The following CERK variants were observed in gnomAD, a reference collection of about 807,000 sequenced individuals.
CERK encodes ceramide kinase, also known as acylsphingosine kinase.
A neutral mutation model predicts 63.4 loss-of-function variants in CERK; 39 were observed. The ratio of observed to expected loss-of-function variants is 0.61; its 90% CI spans 0.48 to 0.80. The LOEUF (loss-of-function observed/expected upper bound fraction) is 0.80, where lower values mean the gene tolerates loss of function less well. Among genes scored for constraint, CERK ranks in the 30% least tolerant of loss-of-function variants. The pLI is 0.00. For missense variants in CERK, 670 were observed against 714.1 expected (o/e 0.94, Z 0.70); for synonymous variants, 302 against 280.0 (o/e 1.08, Z -0.78).
In CERK at chr22:46,737,291, CA is replaced by C. The variant is rs34667609; in HGVS notation, c.142+715del. Among the ~76,000 whole-genome samples the C allele has an allele frequency of 1.7e-3, 120 of 69,330 alleles. 1 individual carries two copies. Among genetic ancestry groups the C allele is most frequent in the African/African-American group, 4.0e-3 (96 of 24,132 alleles). The allele number at this position is 69,330 out of a possible 152,430, so 45.5% of individuals were successfully genotyped here. A position where few individuals can be genotyped will look rare whatever the true frequency, so the allele number is the denominator to read the frequency against. ...TGGGCAACAGAGCAACACTCCGACT[CA>C]AAAAAAAAAAAAAACAAAAAACAAA... On this transcript the variant is annotated intron_variant, in intron 1 of 12. Transcript: ENST00000216264.
At chr22:46,705,650 G>A (rs1358126242) in intron 6 of CERK, among the ~76,000 whole-genome samples, 2 of 152,106 alleles carry the variant, frequency 1.3e-5, no homozygotes, top group African/African-American at 2.4e-5. Flanking sequence ...CAGCCTGGAC[G>A]ACAAAGTGAG....
chr22:46,697,328 G>A (rs566067881), intron 8 of CERK, among the ~76,000 whole-genome samples: 2 of 151,992 alleles, frequency 1.3e-5, no homozygotes, highest in East Asian at 3.9e-4. Flanking sequence ...TTTGAGACAG[G>A]GTCTGGCTGT....
chr22:46,688,313 G>C (rs1331388503), intron 12 of CERK, among the ~76,000 whole-genome samples: 5 of 152,084 alleles, frequency 3.3e-5, no homozygotes, highest in African/African-American at 9.7e-5. Context: ...TATCAAGATA[G>C]ACAGGACGTA....
intron 6 of CERK, among the ~76,000 whole-genome samples, chr22:46,705,675 A>AAACC (rs959895807): frequency 6.6e-6 from 1 of 152,040 alleles, no homozygotes; most frequent in African/African-American, 2.4e-5. Context: ...TGATTCAAAC[A>AAACC]AACCAACCAA....
At chr22:46,687,319 C>G in intron 12 of CERK, 113 bp from the exon 13 acceptor site, 1 of 428,576 alleles carries the variant, frequency 2.3e-6, no homozygotes, top group South Asian at 2.7e-5. Flanking sequence ...TCACTCAAAG[C>G]TGGCCCTGAG....
At chr22:46,724,812 G>A (rs2082909791) in intron 1 of CERK, among the ~76,000 whole-genome samples, 1 of 152,118 alleles carries the variant, frequency 6.6e-6, no homozygotes, top group Non-Finnish European at 1.5e-5. Flanking sequence ...GAGGTCAGGA[G>A]ATCGAGACCA....
intron 1 of CERK, among the ~76,000 whole-genome samples, chr22:46,721,441 C>G (rs571867659): frequency 2.0e-5 from 3 of 152,014 alleles, no homozygotes; most frequent in Admixed American, 6.6e-5. Context: ...AATACCCCCT[C>G]CCCCAAAAAG....
At chr22:46,719,241 A>G (rs960048020) in intron 3 of CERK, among the ~76,000 whole-genome samples, 1 of 151,604 alleles carries the variant, frequency 6.6e-6, no homozygotes, top group African/African-American at 2.4e-5. Flanking sequence ...TATATAGGTA[A>G]AGTGCGTGTC....
intron 3 of CERK, among the ~76,000 whole-genome samples, chr22:46,716,699 G>A (rs2146575813): frequency 6.6e-6 from 1 of 152,004 alleles, no homozygotes; most frequent in East Asian, 2.0e-4. Flanking sequence ...AGCACTTTGG[G>A]AGGCTGAGGC....
chr22:46,720,361 A>G (rs544110127), intron 2 of CERK, among the ~76,000 whole-genome samples, 153 bp from the exon 3 acceptor site: 2 of 152,214 alleles, frequency 1.3e-5, no homozygotes, highest in Non-Finnish European at 2.9e-5. Flanking sequence ...TTCAAGGTAT[A>G]TTAGAAAAAA....
intron 3 of CERK, among the ~76,000 whole-genome samples, chr22:46,719,869 G>C (rs533004298): frequency 3.3e-5 from 5 of 152,342 alleles, no homozygotes; most frequent in African/African-American, 1.2e-4. Context: ...AGTGAGCAGG[G>C]GGCTGGACTC....
At chr22:46,698,489 A>G (rs151163406) in intron 8 of CERK, among the ~76,000 whole-genome samples, 3 of 152,362 alleles carry the variant, frequency 2.0e-5, no homozygotes, top group African/African-American at 7.2e-5. Context: ...GAAGTAAAGG[A>G]TACCTGTGCC....
At chr22:46,694,137 G>C (rs1442253979) in intron 9 of CERK, among the ~76,000 whole-genome samples, 1 of 152,152 alleles carries the variant, frequency 6.6e-6, no homozygotes, top group Non-Finnish European at 1.5e-5. Flanking sequence ...AAAGGAGCTA[G>C]AAGGAGGTTC....
intron 2 of CERK, 117 bp from the exon 3 acceptor site, chr22:46,720,325 G>T: frequency 1.7e-6 from 2 of 1,199,230 alleles, no homozygotes; most frequent in Non-Finnish European, 2.3e-6. Context: ...TTTCCCAGGG[G>T]TTCTCCTCCC....
intron 3 of CERK, among the ~76,000 whole-genome samples, chr22:46,719,449 A>C (rs1601724681): frequency 1.3e-5 from 2 of 152,236 alleles, no homozygotes; most frequent in African/African-American, 4.8e-5. Flanking sequence ...AGGTGGGGAG[A>C]TCACCTGAGG....
At chr22:46,704,824 C>CAAAAAAAAA in intron 6 of CERK, among the ~76,000 whole-genome samples, 1 of 83,696 alleles carries the variant, frequency 1.2e-5, no homozygotes, top group Non-Finnish European at 2.3e-5. Flanking sequence ...GACTCCATCT[C>CAAAAAAAAA]AAAAAAAAAA....
At position 46,691,088 on chromosome 22, in the gene CERK, T is replaced by C. The variant is rs867758769; in HGVS notation, c.1332+484A>G. On this transcript the variant is annotated intron_variant, in intron 11 of 12. Transcript: ENST00000216264. ...ACACACACACACACACACACACATA[T>C]ATTTGAGATGGAGTCTCACTCTGTC... 6.9e-4 allele frequency among the ~76,000 whole-genome samples: 75 copies of C among 108,356 alleles called. 1 individual carries two copies. The highest frequency in any genetic ancestry group is 2.4e-3 in the African/African-American group (71 of 29,754). The allele number at this position is 108,356 out of a possible 152,430, so 71.1% of individuals were successfully genotyped here. A position where few individuals can be genotyped will look rare whatever the true frequency, so the allele number is the denominator to read the frequency against.
chr22:46,701,868 A>G (rs1197407592), intron 6 of CERK, among the ~76,000 whole-genome samples, 158 bp from the exon 7 acceptor site: 1 of 152,194 alleles, frequency 6.6e-6, no homozygotes, highest in Non-Finnish European at 1.5e-5. Flanking sequence ...TATAGAAAAT[A>G]CTAGCGTTGA....
chr22:46,699,495 C>G, intron 7 of CERK, 30 bp from the exon 8 acceptor site: 1 of 1,611,250 alleles, frequency 6.2e-7, no homozygotes, highest in African/African-American at 1.3e-5. Flanking sequence ...TGAGGGAAGG[C>G]AGCCCCCCTC....
Sources: allele counts gnomAD v4.1 joint callset (sites outside exome capture counted in the v4.1 genomes callset), GRCh38; gene constraint gnomAD v4.1.1; transcripts MANE v1.5; gene names NCBI Gene and HGNC (gene_info 2026-07-23, HGNC 2026-07-21).